Variants in LHFPL3 observed in about 807,000 individuals in gnomAD.
LHFPL3 encodes the protein LHFPL tetraspan subfamily member 3.
Under a neutral mutation model 19.3 loss-of-function variants are expected in LHFPL3, and 5 were observed. The ratio of observed to expected loss-of-function variants is 0.26; its 90% CI spans 0.14 to 0.54. The LOEUF is 0.54. Ranked by LOEUF, LHFPL3 falls within the 20% of genes least tolerant of loss-of-function variation. The probability of loss-of-function intolerance (pLI) is 0.94; values close to 1 mark genes in which losing one functional copy is unlikely to be tolerated. For synonymous variants in LHFPL3, 133 were observed against 126.2 expected, an observed-to-expected ratio of 1.05 and a Z score of -0.36; for missense variants, 249 against 307.4, an observed-to-expected ratio of 0.81 and a Z score of 1.42.
chr7:104,347,356 T>C (rs1330603996), intron 1 of LHFPL3, among the ~76,000 whole-genome samples: 1 of 152,120 alleles, frequency 6.6e-6, no homozygotes, highest in Non-Finnish European at 1.5e-5. Context: ...TCTAGGGATT[T>C]GGTAATAGTG....
chr7:104,699,800 G>A (rs561490587), intron 1 of LHFPL3, among the ~76,000 whole-genome samples: 2 of 152,286 alleles, frequency 1.3e-5, no homozygotes, highest in African/African-American at 4.8e-5. Flanking sequence ...TTGGTGCAAG[G>A]CCCTTGGTTT....
At chr7:104,657,812 T>C (rs1792147170) in intron 1 of LHFPL3, among the ~76,000 whole-genome samples, 1 of 152,258 alleles carries the variant, frequency 6.6e-6, no homozygotes, top group Non-Finnish European at 1.5e-5. Context: ...TTTCCCACTC[T>C]ATTGAAAACT....
chr7:104,343,330 G>C (rs1358312011), intron 1 of LHFPL3, among the ~76,000 whole-genome samples: 1 of 151,422 alleles, frequency 6.6e-6, no homozygotes, highest in Admixed American at 6.6e-5. Flanking sequence ...CTGGCCAACA[G>C]AGTGAAACCC....
chr7:104,775,508 A>G (rs1794623623), intron 2 of LHFPL3, among the ~76,000 whole-genome samples: 1 of 152,188 alleles, frequency 6.6e-6, no homozygotes, highest in Non-Finnish European at 1.5e-5. Context: ...CCAAATACCA[A>G]CATTGTTTGT....
intron 1 of LHFPL3, among the ~76,000 whole-genome samples, chr7:104,684,021 G>C (rs1336356318): frequency 6.6e-6 from 1 of 152,114 alleles, no homozygotes; most frequent in African/African-American, 2.4e-5. Flanking sequence ...GAAAATATCA[G>C]GATTACTTTT....
chr7:104,343,368 C>A (rs1258240657), intron 1 of LHFPL3, among the ~76,000 whole-genome samples: 2 of 151,534 alleles, frequency 1.3e-5, no homozygotes, highest in Admixed American at 1.3e-4. Context: ...CAAAAATTAG[C>A]CGGGCATGGT....
intron 1 of LHFPL3, among the ~76,000 whole-genome samples, chr7:104,440,039 G>GGGGA (rs1554394369): frequency 7.9e-5 from 7 of 88,224 alleles, no homozygotes; most frequent in Non-Finnish European, 1.3e-4. Context: ...AAAGCCTGGG[G>GGGGA]GGGGGGAGGG....
chr7:104,879,442 A>G (rs1428844690), intron 2 of LHFPL3, among the ~76,000 whole-genome samples: 1 of 152,054 alleles, frequency 6.6e-6, no homozygotes, highest in East Asian at 1.9e-4. Context: ...AAGGTGGACT[A>G]GGGGCAATAT....
At chr7:104,332,195 A>G (rs1307331848) in intron 1 of LHFPL3, among the ~76,000 whole-genome samples, 6 of 149,678 alleles carry the variant, frequency 4.0e-5, no homozygotes, top group African/African-American at 1.5e-4. Flanking sequence ...ATATGTAGTC[A>G]GGTAGAATAT....
intron 2 of LHFPL3, among the ~76,000 whole-genome samples, chr7:104,792,897 A>AT (rs1035678175): frequency 4.1e-4 from 63 of 151,928 alleles, no homozygotes; most frequent in East Asian, 7.7e-4. Context: ...ATTTGCTAGC[A>AT]TTTTTTTTGT....
At chr7:104,650,624 G>C (rs1028512279) in intron 1 of LHFPL3, among the ~76,000 whole-genome samples, 3 of 152,160 alleles carry the variant, frequency 2.0e-5, no homozygotes, top group Non-Finnish European at 4.4e-5. Flanking sequence ...TTCTAGAGTT[G>C]ATAATATTTA....
rs1016732147 is a variant in LHFPL3 at position 104,830,303 on chromosome 7, T to C, written c.683-75884T>C. 9.9e-5 allele frequency among the ~76,000 whole-genome samples: 15 copies of C among 151,914 alleles called. 1 individual carries two copies. The highest frequency in any genetic ancestry group is 3.6e-4 in the African/African-American group (15 of 41,212). ...GGTTGCCTATTCACTCTGATGGTAGTTTCTTTTGCTGTGCAGAAGCTCTTT... is the reference window on the plus strand; with the variant it reads ...GGTTGCCTATTCACTCTGATGGTAGCTTCTTTTGCTGTGCAGAAGCTCTTT... On this transcript the variant is annotated intron_variant, in intron 2 of 2. Coordinates refer to ENST00000424859, the MANE Select transcript of LHFPL3 (RefSeq NM_199000.3).
At chr7:104,891,994 T>G (rs1404349214) in intron 2 of LHFPL3, among the ~76,000 whole-genome samples, 1 of 152,228 alleles carries the variant, frequency 6.6e-6, no homozygotes, top group Non-Finnish European at 1.5e-5. Flanking sequence ...TGAAAGTTAT[T>G]ATTTTCTATT....
chr7:104,346,350 T>C (rs2116378301), intron 1 of LHFPL3, among the ~76,000 whole-genome samples: 1 of 152,058 alleles, frequency 6.6e-6, no homozygotes, highest in Admixed American at 6.5e-5. Flanking sequence ...TTTTTTTTTT[T>C]TTTGGTCATC....
chr7:104,395,591 G>A (rs530143140), intron 1 of LHFPL3, among the ~76,000 whole-genome samples: 2 of 152,188 alleles, frequency 1.3e-5, no homozygotes. Flanking sequence ...GACAGGAGAA[G>A]CAGGAGTTAG....
At chr7:104,371,653 T>A (rs116677474) in intron 1 of LHFPL3, among the ~76,000 whole-genome samples, 1,655 of 152,326 alleles carry the variant, frequency 0.011, 39 homozygotes, top group African/African-American at 0.037. Context: ...TTTTCTTTTT[T>A]TTTTTATATG....
At chr7:104,497,074 A>C (rs984780516) in intron 1 of LHFPL3, among the ~76,000 whole-genome samples, 1 of 152,158 alleles carries the variant, frequency 6.6e-6, no homozygotes, top group African/African-American at 2.4e-5. Flanking sequence ...CTTGGACTAT[A>C]TGCTGGGTAA....
intron 2 of LHFPL3, among the ~76,000 whole-genome samples, chr7:104,831,729 TA>T (rs1220411818): frequency 6.6e-6 from 1 of 152,026 alleles, no homozygotes; most frequent in East Asian, 1.9e-4. Context: ...AAAGATGCTT[TA>T]AAAAATGTTT....
intron 1 of LHFPL3, chr7:104,669,526 C>T (rs1423387948): frequency 6.2e-7 from 1 of 1,611,738 alleles, no homozygotes; most frequent in Admixed American, 1.7e-5. Flanking sequence ...GTATGCTGCT[C>T]TCTCTGTTGA....
Sources: gnomAD v4.1 joint callset for allele counts (sites outside exome capture counted in the v4.1 genomes callset) on GRCh38, gnomAD v4.1.1 for gene constraint, MANE v1.5 for transcripts, NCBI Gene and HGNC (gene_info 2026-07-23, HGNC 2026-07-21) for gene names.